The following OSBPL10 variants were observed in gnomAD, a reference collection of about 807,000 sequenced individuals.
OSBPL10 encodes oxysterol-binding protein-related protein 10.
In OSBPL10, 49 loss-of-function variants were observed where a neutral mutation model predicts 81.7. That is an observed-to-expected ratio of 0.60 (90% CI 0.48 to 0.76). The LOEUF (loss-of-function observed/expected upper bound fraction) is 0.76. Among genes scored for constraint, OSBPL10 ranks in the 30% least tolerant of loss-of-function variants. The probability of loss-of-function intolerance (pLI) is 0.00; values close to 1 mark genes in which losing one functional copy is unlikely to be tolerated. For missense variants in OSBPL10, 923 were observed against 987.8 expected (o/e 0.93, Z 0.88); for synonymous variants, 419 against 383.6 (o/e 1.09, Z -1.08).
rs531903509 is a variant in OSBPL10 at position 31,913,228 on chromosome 3, G to GT, written c.282-33399dup. Among the ~76,000 whole-genome samples, 2,556 of 140,106 alleles carry GT rather than the reference G, an allele frequency of 0.018. 176 individuals carry two copies. In the East Asian group the frequency reaches 0.26, roughly 14 times the overall value. The allele number at this position is 140,106 out of a possible 152,430, so 91.9% of individuals were successfully genotyped here. A position where few individuals can be genotyped will look rare whatever the true frequency, so the allele number is the denominator to read the frequency against. ...GTGTAAATGGACACAGAAGTACTAGGTTTTTTTTTTTATTTTGTTTTTTGT... is the reference window on the plus strand; with the variant it reads ...GTGTAAATGGACACAGAAGTACTAGGTTTTTTTTTTTTATTTTGTTTTTTGT... On this transcript the variant is annotated intron_variant, in intron 1 of 11. Transcript: ENST00000396556.
At chr3:31,881,859 A>T (rs1695589491) in intron 1 of OSBPL10, among the ~76,000 whole-genome samples, 1 of 152,228 alleles carries the variant, frequency 6.6e-6, no homozygotes, top group South Asian at 2.1e-4. Flanking sequence ...CCAACAGAAT[A>T]GATGTTATCC....
chr3:31,795,136 T>TC (rs1288321656), intron 4 of OSBPL10: 1 of 10,912 alleles, frequency 9.2e-5, no homozygotes, highest in African/African-American at 4.0e-4. Context: ...CATAAAACCT[T>TC]TTTTTTTTTT....
intron 1 of OSBPL10, among the ~76,000 whole-genome samples, chr3:31,933,501 C>T (rs1481071653): frequency 6.6e-6 from 1 of 151,858 alleles, no homozygotes; most frequent in East Asian, 1.9e-4. Flanking sequence ...ATCTCCTGGG[C>T]TCAAGCAATC....
chr3:31,965,545 ATT>A lies in OSBPL10; in HGVS notation c.281+15352_281+15353del, dbSNP rs1250607167. On this transcript the variant is annotated intron_variant, in intron 1 of 11. Coordinates refer to ENST00000396556, the MANE Select transcript of OSBPL10 (RefSeq NM_017784.5). ...AACTATTATATTATATAAATTATAT[ATT>A]ATATATTATATAAATTATATATTAT... is the stretch of plus-strand genomic sequence containing the variant. 1.0e-3 allele frequency among the ~76,000 whole-genome samples: 42 copies of A among 41,272 alleles called. 5 individuals carry two copies. The East Asian group carries it at 0.013, about 12-fold the overall frequency. 27.1% of individuals were successfully genotyped at this position (41,272 alleles called of 152,430 possible). A position where few individuals can be genotyped will look rare whatever the true frequency, so the allele number is the denominator to read the frequency against.
intron 7 of OSBPL10, among the ~76,000 whole-genome samples, chr3:31,696,513 C>T (rs1167994504): frequency 6.6e-6 from 1 of 152,260 alleles, no homozygotes; most frequent in Non-Finnish European, 1.5e-5. Context: ...CATTTGCAGG[C>T]CCCAGCTTTC....
At chr3:31,829,977 G>T in intron 4 of OSBPL10, 63 bp downstream of exon 4, 1 of 1,472,206 alleles carries the variant, frequency 6.8e-7, no homozygotes, top group Non-Finnish European at 9.1e-7. Flanking sequence ...GGAGTCGGCA[G>T]AGCGACTGTC....
At chr3:31,715,052 G>C (rs1044347039) in intron 6 of OSBPL10, 1 of 150,424 alleles carries the variant, frequency 6.6e-6, no homozygotes, top group Non-Finnish European at 1.5e-5. Flanking sequence ...TCAGTACTTC[G>C]GTTTTCCTCA....
chr3:31,981,061 AC>A lies in OSBPL10; in HGVS notation c.118del (p.Val40SerfsTer70), dbSNP rs1381812060. The A allele has an allele frequency of 9.4e-6, 14 of 1,484,882 alleles. No individual in the cohort carries two copies. The highest frequency in any genetic ancestry group is 7.1e-5 in the Admixed American group (3 of 41,998). 92.0% of individuals were successfully genotyped at this position (1,484,882 alleles called of 1,614,324 possible). ...CCCGGCCGCCGCCGACCGGCTGGAG[AC>A]CCCCCGGCCCGCCAGAGAGCAGGAG... Reference protein sequence around the residue: ...SPSCSLAGRGVSSRSAAAGLG... With the variant: ...SPSCSLAGRGXSSRSAAAGLG... On this transcript the variant is annotated frameshift_variant, in exon 1 of 12. Coordinates refer to ENST00000396556, the MANE Select transcript of OSBPL10 (RefSeq NM_017784.5). LOFTEE classifies it high-confidence loss of function. This position sits in a 1 kb window ranked among gnomAD's most constrained non-coding sequence, Gnocchi z 4.5.
intron 1 of OSBPL10, among the ~76,000 whole-genome samples, chr3:31,938,663 C>A (rs1341733394): frequency 1.3e-5 from 2 of 152,122 alleles, no homozygotes; most frequent in African/African-American, 2.4e-5. Flanking sequence ...CACACGCCAA[C>A]TCACCCAGGT....
chr3:31,873,985 C>T (rs1192224622), intron 3 of OSBPL10, among the ~76,000 whole-genome samples: 1 of 152,100 alleles, frequency 6.6e-6, no homozygotes, highest in African/African-American at 2.4e-5. Flanking sequence ...AATAAGAAAT[C>T]CTCCAGGCCT....
chr3:31,797,274 T>C (rs1341258104), intron 4 of OSBPL10, among the ~76,000 whole-genome samples: 1 of 152,150 alleles, frequency 6.6e-6, no homozygotes, highest in Non-Finnish European at 1.5e-5. Context: ...ATTACAGGCG[T>C]GAGCCACTGC....
At chr3:31,703,723 A>C (rs1438729160) in intron 6 of OSBPL10, 1 of 152,190 alleles carries the variant, frequency 6.6e-6, no homozygotes, top group African/African-American at 2.4e-5. Context: ...CGTTTTCCAC[A>C]GACATACTCC....
intron 1 of OSBPL10, among the ~76,000 whole-genome samples, chr3:31,970,502 A>G (rs1698528483): frequency 6.6e-6 from 1 of 152,250 alleles, no homozygotes; most frequent in Admixed American, 6.5e-5. Context: ...GCTTACATCC[A>G]GATTATAATC....
chr3:31,846,258 C>T (rs1416917931), intron 3 of OSBPL10, among the ~76,000 whole-genome samples: 2 of 152,186 alleles, frequency 1.3e-5, no homozygotes, highest in African/African-American at 4.8e-5. Context: ...AGCGATCCTC[C>T]GCCTTGGCCT....
At position 31,868,640 on chromosome 3, in the gene OSBPL10, A is replaced by G. The variant is rs180929764; in HGVS notation, c.537+7793T>C. ...AAATGAATCCACTTTCCATGTCCAG[A>G]AAAAAAAAATCCAAAAACTATTGAA... is the stretch of plus-strand genomic sequence containing the variant. On this transcript the variant is annotated intron_variant, in intron 3 of 11. Transcript: ENST00000396556. Among the ~76,000 whole-genome samples the G allele has an allele frequency of 2.1e-3, 316 of 149,906 alleles. 2 individuals carry two copies. The highest frequency in any genetic ancestry group is 7.2e-3 in the African/African-American group (292 of 40,382).
At chr3:31,844,860 G>T (rs1337073839) in intron 3 of OSBPL10, among the ~76,000 whole-genome samples, 1 of 152,154 alleles carries the variant, frequency 6.6e-6, no homozygotes, top group South Asian at 2.1e-4. Context: ...GATCACTAGT[G>T]GCTATGAGTT....
chr3:31,687,867 G>A (rs926831428), intron 7 of OSBPL10, among the ~76,000 whole-genome samples: 1 of 146,808 alleles, frequency 6.8e-6, no homozygotes, highest in Admixed American at 6.7e-5. Flanking sequence ...ACTAGCCTGG[G>A]CAACATAGTG....
At chr3:31,850,033 T>G (rs533432738) in intron 3 of OSBPL10, among the ~76,000 whole-genome samples, 1 of 152,184 alleles carries the variant, frequency 6.6e-6, no homozygotes, top group Admixed American at 6.5e-5. Context: ...GGTGTGGTGG[T>G]GCATTCCTGT....
chr3:32,053,752 T>C (rs1008051593), intron 1 of OSBPL10, among the ~76,000 whole-genome samples: 1 of 152,124 alleles, frequency 6.6e-6, no homozygotes, highest in South Asian at 2.1e-4. Context: ...GGCAGGTGGA[T>C]CACGGGAGGT....
Sources: allele counts gnomAD v4.1 joint callset (sites outside exome capture counted in the v4.1 genomes callset), GRCh38; gene constraint gnomAD v4.1.1; non-coding constraint Gnocchi (gnomAD v3.1); transcripts MANE v1.5; gene names NCBI Gene and HGNC (gene_info 2026-07-23, HGNC 2026-07-21).